The following STK10 variants were observed in gnomAD, a reference collection of about 807,000 sequenced individuals.
The protein encoded by STK10 is serine/threonine kinase 10.
A neutral mutation model predicts 113.8 loss-of-function variants in STK10; 78 were observed. That is an observed-to-expected ratio of 0.69 (90% CI 0.57 to 0.83). The LOEUF (loss-of-function observed/expected upper bound fraction) is 0.83. Among genes scored for constraint, STK10 ranks in the 40% least tolerant of loss-of-function variants. The pLI is 0.00. For synonymous variants in STK10, 465 were observed against 494.7 expected (o/e 0.94, Z 0.80); for missense variants, 1,109 against 1,280.1 (o/e 0.87, Z 2.04).
At position 172,188,038 on chromosome 5, in the gene STK10, G is replaced by A. The variant is rs1770992196; in HGVS notation, c.5C>T (p.Ala2Val). Reference protein sequence around the residue: MAFANFRRILRL... With the variant: MVFANFRRILRL... ...CAGGATGCGGCGGAAATTGGCAAAA[G>A]CCATGGCCGGGGGCGCGGTGGCGCC... is the stretch of plus-strand genomic sequence containing the variant. The change falls in exon 1 of 19, where the codon GCT becomes GTT. Residue 2 changes from alanine to valine, a missense_variant. Physicochemically the swap from Ala to Val is moderately conservative, Grantham distance 64. This residue lies in a region of STK10 where 57 missense variants were observed against 53.6 expected (regional missense o/e 1.06). Coordinates refer to ENST00000176763, the MANE Select transcript of STK10 (RefSeq NM_005990.4). The surrounding 1 kb of genome is among the most constrained non-coding windows in gnomAD (Gnocchi z 5.6). 3.1e-6 allele frequency: 5 copies of A among 1,611,892 alleles called. No individual in the cohort carries two copies. The highest frequency in any genetic ancestry group is 1.7e-4 in the Middle Eastern group (1 of 6,060).
intron 1 of STK10, among the ~76,000 whole-genome samples, chr5:172,160,067 C>A (rs1028858262): frequency 1.3e-5 from 2 of 151,238 alleles, no homozygotes; most frequent in Non-Finnish European, 2.9e-5. Context: ...ACTCGGGAGA[C>A]GGAGATTGCA....
At position 172,129,959 on chromosome 5, in the gene STK10, T is replaced by C. The variant is rs370801912; in HGVS notation, c.322-2538A>G. Reference sequence around the variant, plus strand: ...CACTATGATTCTTTCCTTGAGTTCATGGGTCTGTTTTTCTCATTTATTTTT... The same window carrying C: ...CACTATGATTCTTTCCTTGAGTTCACGGGTCTGTTTTTCTCATTTATTTTT... On this transcript the variant is annotated intron_variant, in intron 2 of 18. Transcript: ENST00000176763. Among the ~76,000 whole-genome samples, 209 of 152,314 alleles carry C rather than the reference T, an allele frequency of 1.4e-3. 2 individuals carry two copies. Among genetic ancestry groups the C allele is most frequent in the African/African-American group, 4.8e-3 (198 of 41,572 alleles).
chr5:172,113,283 C>G (rs971390513), intron 4 of STK10, among the ~76,000 whole-genome samples: 1 of 152,050 alleles, frequency 6.6e-6, no homozygotes, highest in African/African-American at 2.4e-5. Flanking sequence ...GAACAAAACC[C>G]CAACTCACTG....
chr5:172,055,595 A>G lies in STK10; in HGVS notation c.2519T>C (p.Ile840Thr), dbSNP rs1767730807. Reference protein sequence around the residue: ...GGSAAEQREKIKQFSQQEEKR... With the variant: ...GGSAAEQREKTKQFSQQEEKR... The stretch of plus-strand genomic sequence containing the variant: ...CGCAGGCCCGGCCCCCACCTGCTTG[A>G]TCTTCTCACGCTGCTCAGCTGCGCT... Residue 840 changes from isoleucine (I) to threonine (T), a missense_variant, in exon 16 of 19, where the codon ATC becomes ACC. Ile to Thr is a moderately conservative substitution (Grantham distance 89). Transcript: ENST00000176763. The G allele has an allele frequency of 2.0e-6, 3 of 1,487,910 alleles. No homozygotes were observed. Among genetic ancestry groups the G allele is most frequent in the Non-Finnish European group, 2.7e-6 (3 of 1,110,538 alleles). 92.2% of individuals were successfully genotyped at this position (1,487,910 alleles called of 1,614,324 possible).
chr5:172,107,895 TG>T (rs776554628), intron 4 of STK10, 43 bp from the exon 5 acceptor site: 1 of 1,593,970 alleles, frequency 6.3e-7, no homozygotes, highest in Non-Finnish European at 8.6e-7. Context: ...CCCATAGCCC[TG>T]GGGTAAAAGC....
intron 10 of STK10, among the ~76,000 whole-genome samples, chr5:172,085,194 G>GT (rs1183026010): frequency 1.3e-5 from 2 of 151,922 alleles, no homozygotes; most frequent in Non-Finnish European, 2.9e-5. Context: ...GCAGTGAGCC[G>GT]TGACTATGCC....
chr5:172,182,076 G>A (rs1444170826), intron 1 of STK10, among the ~76,000 whole-genome samples: 3 of 151,750 alleles, frequency 2.0e-5, no homozygotes, highest in Admixed American at 6.6e-5. Flanking sequence ...AGGCTGAGGC[G>A]GGCGGATCAC....
At position 172,106,620 on chromosome 5, in the gene STK10, C is replaced by G; in HGVS notation, c.788G>C (p.Trp263Ser). ...AGGTGGCCCTGCCCCTGCCCCTCAC[C>G]ACTTAGAGGGCGTGAGCAGCGTGGG... ...DPPTLLTPSK[W>S]SVEFRDFLKI... The change falls in exon 6 of 19, where the codon TGG (tryptophan) becomes TCG (serine). Residue 263 changes from tryptophan to serine, a missense_variant and splice_region_variant. Transcript: ENST00000176763. 1 of 1,611,486 alleles carries G rather than the reference C, an allele frequency of 6.2e-7. No individual in the cohort carries two copies. Among genetic ancestry groups the G allele is most frequent in the Non-Finnish European group, 8.5e-7 (1 of 1,179,454 alleles).
chr5:172,145,204 T>C (rs548506342), intron 2 of STK10, among the ~76,000 whole-genome samples: 1 of 152,256 alleles, frequency 6.6e-6, no homozygotes, highest in Non-Finnish European at 1.5e-5. Context: ...TAAAGCCAGC[T>C]CTGCTAAGGA....
At chr5:172,177,502 A>G (rs55929339) in intron 1 of STK10, among the ~76,000 whole-genome samples, 8,193 of 152,306 alleles carry the variant, frequency 0.054, 476 homozygotes, top group East Asian at 0.29. Flanking sequence ...AGTAGAGGCC[A>G]GATCTGTCGT....
chr5:172,164,824 T>C (rs1306189141), intron 1 of STK10, among the ~76,000 whole-genome samples: 1 of 152,226 alleles, frequency 6.6e-6, no homozygotes, highest in Middle Eastern at 3.2e-3. Context: ...TGGCCTCCGA[T>C]GTCCCTCTCT....
At chr5:172,113,695 T>C (rs1211116572) in intron 4 of STK10, among the ~76,000 whole-genome samples, 2 of 152,184 alleles carry the variant, frequency 1.3e-5, no homozygotes, top group Non-Finnish European at 2.9e-5. Context: ...GGCAGGCAGA[T>C]CACCTGAGGT....
chr5:172,055,551 C>G (rs753727422), intron 16 of STK10, 37 bp downstream of exon 16: 12 of 1,411,850 alleles, frequency 8.5e-6, no homozygotes, highest in Non-Finnish European at 1.0e-5. Context: ...TGCCTACACC[C>G]CAGCACACTT....
intron 1 of STK10, among the ~76,000 whole-genome samples, chr5:172,160,077 A>C (rs990474678): frequency 2.6e-5 from 4 of 151,962 alleles, no homozygotes; most frequent in African/African-American, 9.7e-5. Flanking sequence ...CGGAGATTGC[A>C]GTGAGCCGAG....
At position 172,109,674 on chromosome 5, in the gene STK10, A is replaced by G. The variant is rs559375394; in HGVS notation, c.521-1822T>C. On this transcript the variant is annotated intron_variant, in intron 4 of 18. Coordinates refer to ENST00000176763, the MANE Select transcript of STK10 (RefSeq NM_005990.4). ...TCCTCACACACCCGCTGCTAAGAGAAGAATTCAGCGCTACCAAGAGAAATT... is the reference window on the plus strand; with the variant it reads ...TCCTCACACACCCGCTGCTAAGAGAGGAATTCAGCGCTACCAAGAGAAATT... 1.2e-4 allele frequency among the ~76,000 whole-genome samples: 18 copies of G among 152,326 alleles called. No homozygotes were observed. In the East Asian group the frequency reaches 3.5e-3, roughly 29 times the overall value.
intron 7 of STK10, among the ~76,000 whole-genome samples, chr5:172,098,777 A>G (rs1408088484): frequency 6.6e-6 from 1 of 152,156 alleles, no homozygotes; most frequent in Non-Finnish European, 1.5e-5. Flanking sequence ...CTTAACCCTG[A>G]GTCTCAGTTT....
At chr5:172,164,348 G>C (rs184492492) in intron 1 of STK10, among the ~76,000 whole-genome samples, 219 of 151,932 alleles carry the variant, frequency 1.4e-3, no homozygotes, top group African/African-American at 5.0e-3. Flanking sequence ...AAGCCATCCT[G>C]CCCCTAAGGG....
intron 12 of STK10, among the ~76,000 whole-genome samples, chr5:172,070,149 G>A (rs1768144518): frequency 6.6e-6 from 1 of 151,998 alleles, no homozygotes. Flanking sequence ...TTGGGGGGCT[G>A]AGGCAGGAGA....
At chr5:172,176,098 T>C (rs1770753553) in intron 1 of STK10, among the ~76,000 whole-genome samples, 1 of 152,236 alleles carries the variant, frequency 6.6e-6, no homozygotes, top group Admixed American at 6.5e-5. Context: ...GTGGTTTCCA[T>C]GGGTTGTCTC....
Sources: allele counts gnomAD v4.1 joint callset (sites outside exome capture counted in the v4.1 genomes callset), GRCh38; gene constraint gnomAD v4.1.1; regional missense constraint gnomAD v4.1.1; non-coding constraint Gnocchi (gnomAD v3.1); transcripts MANE v1.5; gene names NCBI Gene and HGNC (gene_info 2026-07-23, HGNC 2026-07-21).